RBM34: variants seen among roughly 807,000 people sequenced by gnomAD.
The protein encoded by RBM34 is RNA binding motif protein 34.
RBM34 carries 39 observed loss-of-function variants against 44.6 expected under a neutral mutation model. That is an observed-to-expected ratio of 0.87 (90% confidence interval 0.68 to 1.14). The LOEUF is 1.14. Ranked by LOEUF, RBM34 falls within the 50% of genes most tolerant of loss-of-function variation. RBM34 has a pLI of 0.00. For synonymous variants in RBM34, 194 were observed against 184.0 expected (o/e 1.05, Z -0.44); for missense variants, 572 against 517.9 (o/e 1.10, Z -1.01).
chr1:235,141,442 G>C (rs1190983562), intron 6 of RBM34, among the ~76,000 whole-genome samples: 1 of 152,138 alleles, frequency 6.6e-6, no homozygotes. Flanking sequence ...TTTGTATCTA[G>C]CTCAGGGATT....
chr1:235,149,117 G>A (rs112696201), intron 5 of RBM34, among the ~76,000 whole-genome samples: 1,718 of 151,804 alleles, frequency 0.011, 30 homozygotes, highest in African/African-American at 0.035. Flanking sequence ...GGCCGGGCGC[G>A]GTGGCTCACA....
intron 2 of RBM34, 116 bp from the exon 3 acceptor site, chr1:235,160,763 C>G: frequency 6.7e-7 from 1 of 1,503,128 alleles, no homozygotes; most frequent in South Asian, 1.2e-5. Flanking sequence ...ATGTAAGAGT[C>G]ATGAAAGGTT....
At chr1:235,160,173 A>G in intron 3 of RBM34, 2 of 436,476 alleles carry the variant, frequency 4.6e-6, no homozygotes, top group Non-Finnish European at 9.1e-6. Flanking sequence ...AATCGCTTGA[A>G]CCTGGGAAGC....
intron 5 of RBM34, among the ~76,000 whole-genome samples, chr1:235,148,813 T>A (rs1482094281): frequency 6.6e-6 from 1 of 151,982 alleles, no homozygotes; most frequent in African/African-American, 2.4e-5. Context: ...TTAGCCAGGA[T>A]GGTCTCGATC....
In RBM34 at chr1:235,135,753, T is replaced by C. The variant is rs758750404; in HGVS notation, c.907A>G (p.Ile303Val). 1.2e-6 allele frequency: 2 copies of C among 1,613,848 alleles called. No homozygotes were observed. The highest frequency in any genetic ancestry group is 1.7e-6 in the Non-Finnish European group (2 of 1,179,858). ...NLPYKVEESAIEKHFLDCGSI... is the reference protein window; with the variant it reads ...NLPYKVEESAVEKHFLDCGSI... The stretch of plus-strand genomic sequence containing the variant: ...CCACAGTCCAGAAAGTGCTTCTCAA[T>C]GGCAGATTCTTCAACTTCTGAAAAC... Residue 303 changes from isoleucine (I) to valine (V), a missense_variant, in exon 10 of 11, where the codon ATT (isoleucine) becomes GTT (valine). Coordinates refer to ENST00000408888, the MANE Select transcript of RBM34 (RefSeq NM_015014.4).
chr1:235,155,068 T>C lies in RBM34; in HGVS notation c.410A>G (p.Gln137Arg). 2 of 1,613,906 alleles carry C rather than the reference T, an allele frequency of 1.2e-6. No homozygotes were observed. Among genetic ancestry groups the C allele is most frequent in the African/African-American group, 1.3e-5 (1 of 75,032 alleles). The change falls in exon 4 of 11, where the codon CAG becomes CGG. Residue 137 changes from glutamine (Q) to arginine (R), a missense_variant. Gln to Arg is a conservative substitution (Grantham distance 43). Transcript: ENST00000408888. ...ATTTTTCCTTTTCTGCCCTTGTTTCTGGTGAATTTCTTCTTCTAAATCAGC... is the reference window on the plus strand; with the variant it reads ...ATTTTTCCTTTTCTGCCCTTGTTTCCGGTGAATTTCTTCTTCTAAATCAGC... ...ASADLEEEIH[Q>R]KQGQKRKNSQ...
chr1:235,138,648 G>A (rs1462875799), intron 6 of RBM34, among the ~76,000 whole-genome samples: 7 of 152,040 alleles, frequency 4.6e-5, no homozygotes, highest in African/African-American at 9.7e-5. Context: ...GCCCTTTCCC[G>A]TTGCAGCCCC....
chr1:235,142,952 CCT>C (rs1661749913), intron 6 of RBM34, among the ~76,000 whole-genome samples: 1 of 139,992 alleles, frequency 7.1e-6, no homozygotes, highest in Non-Finnish European at 1.6e-5. Flanking sequence ...AAAAAAGACA[CCT>C]CTAAAAAAGC....
At chr1:235,136,155 C>A in intron 8 of RBM34, 82 bp from the exon 9 acceptor site, 4 of 1,136,678 alleles carry the variant, frequency 3.5e-6, no homozygotes, top group Non-Finnish European at 5.1e-6. Flanking sequence ...ATCCCTCCTT[C>A]CCCCCATATC....
chr1:235,131,719 C>T lies in RBM34; in HGVS notation c.1287G>A (p.Gln429=). 1 of 1,584,702 alleles carries T rather than the reference C, an allele frequency of 6.3e-7. No individual in the cohort carries two copies. Among genetic ancestry groups the T allele is most frequent in the Non-Finnish European group, 8.6e-7 (1 of 1,169,286 alleles). The part of the protein sequence containing the change: ...KSGRPKKQRK[Q]K ...AAAAAGCAGTTCCTGGTTGTTATTTCTGTTTTCTCTGTTTCTTAGGGCGTC... is the reference window on the plus strand; with the variant it reads ...AAAAAGCAGTTCCTGGTTGTTATTTTTGTTTTCTCTGTTTCTTAGGGCGTC... The change falls in exon 11 of 11, where the codon CAG becomes CAA. Residue 429 remains glutamine (Q), a synonymous_variant. Coordinates refer to ENST00000408888, the MANE Select transcript of RBM34 (RefSeq NM_015014.4).
intron 3 of RBM34, among the ~76,000 whole-genome samples, chr1:235,155,866 T>TAC (rs1318650085): frequency 2.5e-3 from 84 of 34,222 alleles, no homozygotes; most frequent in African/African-American, 5.4e-3. Context: ...TATATATATA[T>TAC]ACATATATAC....
intron 6 of RBM34, among the ~76,000 whole-genome samples, chr1:235,141,655 C>T (rs975940385): frequency 3.3e-5 from 5 of 152,176 alleles, no homozygotes; most frequent in African/African-American, 9.7e-5. Flanking sequence ...TTTGGGTCCA[C>T]GCTGCTTTTA....
chr1:235,146,662 C>T (rs763306001), intron 6 of RBM34, among the ~76,000 whole-genome samples: 5 of 152,034 alleles, frequency 3.3e-5, no homozygotes, highest in African/African-American at 7.2e-5. Flanking sequence ...GCTCTGTCAC[C>T]AAGGCTGGAG....
intron 8 of RBM34, among the ~76,000 whole-genome samples, chr1:235,137,018 G>T (rs1314616002): frequency 6.6e-6 from 1 of 152,132 alleles, no homozygotes; most frequent in Non-Finnish European, 1.5e-5. Flanking sequence ...CACAGGGTAA[G>T]GTCTATCTCC....
intron 3 of RBM34, among the ~76,000 whole-genome samples, chr1:235,158,870 C>T (rs1662566265): frequency 6.6e-6 from 1 of 151,494 alleles, no homozygotes; most frequent in Admixed American, 6.6e-5. Flanking sequence ...GTAATCCTAG[C>T]ACTTGGGGAG....
At chr1:235,145,230 A>T (rs2102842622) in intron 6 of RBM34, among the ~76,000 whole-genome samples, 1 of 152,226 alleles carries the variant, frequency 6.6e-6, no homozygotes, top group East Asian at 1.9e-4. Flanking sequence ...AGAAATTCAA[A>T]TTAGAAATAC....
chr1:235,156,394 G>A (rs1662444187), intron 3 of RBM34, among the ~76,000 whole-genome samples: 3 of 152,138 alleles, frequency 2.0e-5, no homozygotes, highest in African/African-American at 7.2e-5. Context: ...TTCACTTAAA[G>A]CTCTTGGAGA....
chr1:235,151,735 T>C (rs1440182792), intron 5 of RBM34, among the ~76,000 whole-genome samples: 1 of 151,974 alleles, frequency 6.6e-6, no homozygotes, highest in African/African-American at 2.4e-5. Context: ...GAAAGAGCAA[T>C]TAGAAACATG....
chr1:235,137,884 G>C lies in RBM34; in HGVS notation c.842C>G (p.Thr281Ser). 1 of 1,595,908 alleles carries C rather than the reference G, an allele frequency of 6.3e-7. No homozygotes were observed. Among genetic ancestry groups the C allele is most frequent in the Non-Finnish European group, 8.6e-7 (1 of 1,166,558 alleles). The change falls in exon 8 of 11, where the codon ACC becomes AGC. Residue 281 changes from threonine (T) to serine (S), a missense_variant. Transcript: ENST00000408888. ...FRIRVDLASE[T>S]SSRDKRSVFV... is the part of the protein sequence containing the mutation. ...AAATCAAGTACTACTTACAGATGAG[G>C]TCTCAGATGCGAGATCAACTCTAAT... is the stretch of plus-strand genomic sequence containing the variant.
Sources: gnomAD v4.1 joint callset for allele counts (sites outside exome capture counted in the v4.1 genomes callset) on GRCh38, gnomAD v4.1.1 for gene constraint, MANE v1.5 for transcripts, NCBI Gene and HGNC (gene_info 2026-07-23, HGNC 2026-07-21) for gene names.